The following WDFY1 variants were observed in gnomAD, a reference collection of about 807,000 sequenced individuals.
WDFY1 encodes the protein WD repeat and FYVE domain-containing protein 1.
Under a neutral mutation model 56.4 loss-of-function variants are expected in WDFY1, and 32 were observed. The ratio of observed to expected loss-of-function variants is 0.57; its 90% CI spans 0.43 to 0.76. The LOEUF is 0.76. WDFY1 is among the 30% of genes least tolerant of loss of function. The pLI is 0.00. For missense variants in WDFY1, 480 were observed against 545.7 expected, an observed-to-expected ratio of 0.88 and a Z score of 1.20; for synonymous variants, 192 against 197.3, an observed-to-expected ratio of 0.97 and a Z score of 0.23.
In WDFY1 at chr2:223,945,274, T is replaced by A. The variant is rs896439512; in HGVS notation, c.11A>T (p.Glu4Val). Residue 4 changes from glutamate (E) to valine (V), a missense_variant, in exon 1 of 12, where the codon GAA becomes GTA. Transcript: ENST00000233055. MAAEIHSRPQSSRP... is the reference protein window; with the variant it reads MAAVIHSRPQSSRP... ...GCTGCTCTGCGGCCTGGAGTGGATT[T>A]CGGCCGCCATGTTCGCGCGGCGACT... 3.2e-6 allele frequency: 5 copies of A among 1,575,096 alleles called. No individual in the cohort carries two copies. Among genetic ancestry groups the A allele is most frequent in the Non-Finnish European group, 4.3e-6 (5 of 1,166,932 alleles).
intron 4 of WDFY1, 113 bp from the exon 5 acceptor site, chr2:223,901,446 T>G (rs527517802): frequency 1.0e-5 from 13 of 1,282,842 alleles, no homozygotes; most frequent in Non-Finnish European, 1.3e-5. Context: ...TGTACAAGAG[T>G]GTACTGGAAA....
intron 1 of WDFY1, among the ~76,000 whole-genome samples, chr2:223,940,820 T>C (rs141714724): frequency 6.6e-6 from 1 of 151,634 alleles, no homozygotes; most frequent in South Asian, 2.1e-4. Context: ...TTTTTGTGGG[T>C]TTTTTTGTTT....
intron 11 of WDFY1, 128 bp from the exon 12 acceptor site, chr2:223,878,858 C>G: frequency 8.3e-7 from 1 of 1,205,262 alleles, no homozygotes; most frequent in Non-Finnish European, 1.2e-6. Flanking sequence ...TCTCATTCTC[C>G]TCTTTCATAA....
rs565559585 is a variant in WDFY1 at position 223,917,050 on chromosome 2, G to A, written c.205+893C>T. The stretch of plus-strand genomic sequence containing the variant: ...GCTGGTCTCGAACTCCCAACCTCAG[G>A]TGATCCGCCCGCCTTGGCCTCCCAA... On this transcript the variant is annotated intron_variant, in intron 2 of 11. Coordinates refer to ENST00000233055, the MANE Select transcript of WDFY1 (RefSeq NM_020830.5). Among the ~76,000 whole-genome samples, 4 of 152,216 alleles carry A rather than the reference G, an allele frequency of 2.6e-5. No homozygotes were observed. The East Asian group carries it at 5.8e-4, about 22-fold the overall frequency.
chr2:223,884,408 G>T (rs1693135069), intron 9 of WDFY1, among the ~76,000 whole-genome samples: 2 of 152,050 alleles, frequency 1.3e-5, no homozygotes, highest in African/African-American at 4.8e-5. Context: ...AGGCTCTCAG[G>T]ATTTTCTACG....
At chr2:223,904,941 T>C (rs1693571516) in intron 4 of WDFY1, among the ~76,000 whole-genome samples, 1 of 152,222 alleles carries the variant, frequency 6.6e-6, no homozygotes, top group Admixed American at 6.5e-5. Flanking sequence ...AAAAGGTATA[T>C]GTCACAGATG....
Position 223,918,030 on chromosome 2 carries a change from A to C in WDFY1, c.138-20T>G. 6.2e-7 allele frequency: 1 copy of C among 1,611,150 alleles called. No homozygotes were observed. The highest frequency in any genetic ancestry group is 2.2e-5 in the East Asian group (1 of 44,882). ...ATGGTTCTGTGGAGAAAAGAAAAGAAAAAATAGAGTAGGTTTTAGTAATTT... is the reference window on the plus strand; with the variant it reads ...ATGGTTCTGTGGAGAAAAGAAAAGACAAAATAGAGTAGGTTTTAGTAATTT... On this transcript the variant is annotated intron_variant, in intron 1 of 11. Coordinates refer to ENST00000233055, the MANE Select transcript of WDFY1 (RefSeq NM_020830.5).
At chr2:223,925,385 T>C (rs1390993411) in intron 1 of WDFY1, among the ~76,000 whole-genome samples, 6 of 152,186 alleles carry the variant, frequency 3.9e-5, no homozygotes, top group African/African-American at 1.4e-4. Context: ...TAGCATTACA[T>C]CTAAAAATCA....
intron 1 of WDFY1, among the ~76,000 whole-genome samples, chr2:223,919,070 T>C (rs1693845198): frequency 6.6e-6 from 1 of 152,230 alleles, no homozygotes; most frequent in Non-Finnish European, 1.5e-5. Context: ...TCAGGGCCTC[T>C]GGGCGCCAGG....
chr2:223,938,529 G>C (rs887980845), intron 1 of WDFY1, among the ~76,000 whole-genome samples: 2 of 152,106 alleles, frequency 1.3e-5, no homozygotes, highest in Non-Finnish European at 2.9e-5. Flanking sequence ...AAGAGCTTAA[G>C]GTAATTATTA....
At chr2:223,880,574 T>A (rs757980888) in intron 10 of WDFY1, among the ~76,000 whole-genome samples, 51 of 143,612 alleles carry the variant, frequency 3.6e-4, no homozygotes, top group Non-Finnish European at 6.6e-4. Context: ...ACCACTGCAC[T>A]CCAGCCCAGG....
intron 1 of WDFY1, among the ~76,000 whole-genome samples, chr2:223,924,405 C>A (rs1693944787): frequency 6.6e-6 from 1 of 152,218 alleles, no homozygotes; most frequent in Non-Finnish European, 1.5e-5. Context: ...ACTCCATCAC[C>A]CAGGCTGGAG....
At chr2:223,941,135 A>G (rs920899677) in intron 1 of WDFY1, among the ~76,000 whole-genome samples, 2 of 151,216 alleles carry the variant, frequency 1.3e-5, no homozygotes, top group Admixed American at 6.6e-5. Context: ...TTTTGTATTT[A>G]TAGTAGAGAT....
At chr2:223,906,070 T>G (rs1693594975) in intron 3 of WDFY1, 69 bp from the exon 4 acceptor site, 4 of 1,263,174 alleles carry the variant, frequency 3.2e-6, no homozygotes, top group Non-Finnish European at 3.2e-6. Flanking sequence ...AAACTTGACT[T>G]TCAAAAATGA....
At chr2:223,909,471 A>G (rs1438007471) in intron 3 of WDFY1, among the ~76,000 whole-genome samples, 1 of 151,968 alleles carries the variant, frequency 6.6e-6, no homozygotes, top group Non-Finnish European at 1.5e-5. Context: ...GGCTTGAAAA[A>G]TGACCTGATG....
At chr2:223,896,133 G>C (rs1355064266) in intron 6 of WDFY1, among the ~76,000 whole-genome samples, 1 of 96,006 alleles carries the variant, frequency 1.0e-5, no homozygotes. Context: ...TCCAGCCTGG[G>C]TGACAGAGTG....
intron 9 of WDFY1, among the ~76,000 whole-genome samples, chr2:223,883,830 G>C (rs896221036): frequency 2.0e-5 from 3 of 152,082 alleles, no homozygotes; most frequent in Non-Finnish European, 2.9e-5. Flanking sequence ...ATTTTTAGGA[G>C]AGACAGGGTT....
intron 1 of WDFY1, among the ~76,000 whole-genome samples, chr2:223,921,297 G>A (rs1306263063): frequency 6.6e-6 from 1 of 152,174 alleles, no homozygotes; most frequent in Non-Finnish European, 1.5e-5. Context: ...ATAGAAACAA[G>A]CCTTAGGGCT....
chr2:223,887,273 G>A lies in WDFY1; in HGVS notation c.832-2524C>T, dbSNP rs563439773. ...CAATGGCACAGGGTATTTAATTGCC[G>A]GAAGAAGGAAAGTTCTTATGTCTGG... is the stretch of plus-strand genomic sequence containing the variant. On this transcript the variant is annotated intron_variant, in intron 8 of 11. Coordinates refer to ENST00000233055, the MANE Select transcript of WDFY1 (RefSeq NM_020830.5). Among the ~76,000 whole-genome samples the A allele has an allele frequency of 1.7e-3, 257 of 152,244 alleles. 2 individuals are homozygous for A. The highest frequency in any genetic ancestry group is 5.9e-3 in the African/African-American group (246 of 41,552).
Sources: gnomAD v4.1 joint callset for allele counts (sites outside exome capture counted in the v4.1 genomes callset) on GRCh38, gnomAD v4.1.1 for gene constraint, MANE v1.5 for transcripts, NCBI Gene and HGNC (gene_info 2026-07-23, HGNC 2026-07-21) for gene names.